Variants in RPUSD2 observed in about 807,000 individuals in gnomAD.
RPUSD2 encodes the protein RNA pseudouridine synthase domain containing 2, also known as pseudouridylate synthase RPUSD2.
Under a neutral mutation model 41.5 loss-of-function variants are expected in RPUSD2, and 31 were observed. That is an observed-to-expected ratio of 0.75 (90% CI 0.56 to 1.01). RPUSD2 has a LOEUF of 1.01. Among genes scored for constraint, RPUSD2 ranks in the 50% least tolerant of loss-of-function variants. The pLI is 0.00. For synonymous variants in RPUSD2, 305 were observed against 289.7 expected, an observed-to-expected ratio of 1.05 and a Z score of -0.54; for missense variants, 749 against 724.7, an observed-to-expected ratio of 1.03 and a Z score of -0.38.
At chr15:40,570,273 G>C (rs1029711143) in intron 1 of RPUSD2, among the ~76,000 whole-genome samples, 2 of 152,172 alleles carry the variant, frequency 1.3e-5, no homozygotes, top group African/African-American at 4.8e-5. Context: ...CTGCGTTGTA[G>C]ATCTCTGTGC....
At position 40,569,542 on chromosome 15, in the gene RPUSD2, C is replaced by G. The variant is rs554447360; in HGVS notation, c.205C>G (p.Pro69Ala). Residue 69 changes from proline (P) to alanine (A), a missense_variant, in exon 1 of 3, where the codon CCC becomes GCC. Pro to Ala is a conservative substitution (Grantham distance 27, BLOSUM62 -1). Transcript: ENST00000315616. ...AGGDAKVELSPGPPKPAGREV... is the reference protein window; with the variant it reads ...AGGDAKVELSAGPPKPAGREV... ...TGGCGACGCGAAGGTTGAGCTGTCC[C>G]CCGGGCCCCCGAAGCCGGCTGGCCG... The G allele has an allele frequency of 5.3e-5, 81 of 1,536,876 alleles. 1 individual carries two copies. In the South Asian group the frequency reaches 1.0e-3, roughly 19 times the overall value.
At chr15:40,570,469 T>C (rs1466149915) in intron 1 of RPUSD2, among the ~76,000 whole-genome samples, 1 of 152,186 alleles carries the variant, frequency 6.6e-6, no homozygotes, top group Non-Finnish European at 1.5e-5. Flanking sequence ...TACCAAAGCC[T>C]ATGTTCCTAT....
rs865943400 is a variant in RPUSD2 at position 40,569,381 on chromosome 15, G to T, written c.44G>T (p.Trp15Leu). ...RRGWLRVLGH[W>L]RYDLRRPSFT... ...GGATGGCTCAGGGTTCTTGGACATT[G>T]GCGCTACGACCTTAGGCGCCCTAGC... The change falls in exon 1 of 3, where the codon TGG becomes TTG. Residue 15 changes from tryptophan (W) to leucine (L), a missense_variant. By Grantham distance (61) the Trp-to-Leu change is moderately conservative (BLOSUM62 -2). Coordinates refer to ENST00000315616, the MANE Select transcript of RPUSD2 (RefSeq NM_152260.3). 1 of 1,516,566 alleles carries T rather than the reference G, an allele frequency of 6.6e-7. No homozygotes were observed. The allele number at this position is 1,516,566 out of a possible 1,614,324, so 93.9% of individuals were successfully genotyped here. A position where few individuals can be genotyped will look rare whatever the true frequency, so the allele number is the denominator to read the frequency against.
intron 2 of RPUSD2, among the ~76,000 whole-genome samples, chr15:40,572,698 T>C (rs1054158891): frequency 6.6e-6 from 1 of 152,162 alleles, no homozygotes; most frequent in Admixed American, 6.5e-5. Context: ...TGTCACTGCG[T>C]TCCAGCCTGA....
At chr15:40,572,697 G>T (rs1270787707) in intron 2 of RPUSD2, among the ~76,000 whole-genome samples, 6 of 152,116 alleles carry the variant, frequency 3.9e-5, no homozygotes, top group African/African-American at 1.4e-4. Context: ...ATGTCACTGC[G>T]TTCCAGCCTG....
At position 40,573,507 on chromosome 15, in the gene RPUSD2, C is replaced by T. The variant is rs749341824; in HGVS notation, c.904-20C>T. Reference sequence around the variant, plus strand: ...AATTTAGGCTTTGTACTGACTTTCTCCCTCTTCCCTCCTATGTAGCTGGAG... The same window carrying T: ...AATTTAGGCTTTGTACTGACTTTCTTCCTCTTCCCTCCTATGTAGCTGGAG... On this transcript the variant is annotated intron_variant, in intron 2 of 2. Coordinates refer to ENST00000315616, the MANE Select transcript of RPUSD2 (RefSeq NM_152260.3). 3.8e-6 allele frequency: 6 copies of T among 1,594,368 alleles called. No homozygotes were observed. Among genetic ancestry groups the T allele is most frequent in the Non-Finnish European group, 5.1e-6 (6 of 1,169,538 alleles).
At chr15:40,571,540 A>G in intron 1 of RPUSD2, 64 bp from the exon 2 acceptor site, 1 of 1,466,580 alleles carries the variant, frequency 6.8e-7, no homozygotes, top group Non-Finnish European at 9.4e-7. Flanking sequence ...GGGAAGCTGG[A>G]TATGAAGTTG....
chr15:40,569,712 T>G lies in RPUSD2; in HGVS notation c.375T>G (p.Asp125Glu), dbSNP rs1387080819. The G allele has an allele frequency of 6.3e-7, 1 of 1,587,320 alleles. No homozygotes were observed. Among genetic ancestry groups the G allele is most frequent in the Non-Finnish European group, 8.6e-7 (1 of 1,166,552 alleles). ...KKRRTGVSFG[D>E]EHFAETSYYF... ...GGCGGACCGGGGTGAGCTTCGGAGA[T>G]GAGCACTTTGCAGAAACCAGTTATT... Residue 125 changes from aspartate to glutamate, a missense_variant, in exon 1 of 3, where the codon GAT (aspartate) becomes GAG (glutamate). Physicochemically the swap from Asp to Glu is conservative, Grantham distance 45 (BLOSUM62 2). Coordinates refer to ENST00000315616, the MANE Select transcript of RPUSD2 (RefSeq NM_152260.3).
rs780558789 is a variant in RPUSD2 at position 40,571,751 on chromosome 15, AAC to A, written c.758_759del (p.Thr253SerfsTer21). The A allele has an allele frequency of 2.6e-5, 42 of 1,614,134 alleles. No homozygotes were observed. Among genetic ancestry groups the A allele is most frequent in the Non-Finnish European group, 3.1e-5 (37 of 1,180,052 alleles). ...PVHPCGRFRH[N>X]TVIFILGKEH... ...TCACCCCTGTGGCCGCTTCCGACAC[AAC>A]ACAGTTATCTTCATCCTAGGCAAGG... On this transcript the variant is annotated frameshift_variant, in exon 2 of 3. Coordinates refer to ENST00000315616, the MANE Select transcript of RPUSD2 (RefSeq NM_152260.3). LOFTEE classifies it high-confidence loss of function.
rs142644575 is a variant in RPUSD2, at chr15:40,573,541, C to T, written c.918C>T (p.Tyr306=). The T allele has an allele frequency of 1.9e-4, 302 of 1,612,328 alleles. 2 individuals carry two copies. In the African/African-American group the frequency reaches 2.7e-3, roughly 15 times the overall value. The change falls in exon 3 of 3, where the codon TAC becomes TAT. Residue 306 remains tyrosine, a synonymous_variant. Coordinates refer to ENST00000315616, the MANE Select transcript of RPUSD2 (RefSeq NM_152260.3). ...CTCCTATGTAGCTGGAGAAGGAGTA[C>T]GTGTGCCGGGTGGAAGGGGAGTTCC... ...QVRDRQLEKE[Y]VCRVEGEFPT...
chr15:40,570,017 TTTA>T, intron 1 of RPUSD2, 74 bp downstream of exon 1: 20 of 1,440,754 alleles, frequency 1.4e-5, no homozygotes, highest in Non-Finnish European at 1.5e-5. Context: ...TGTTTTGTTT[TTTA>T]GTCTTAGTAA....
Position 40,571,191 on chromosome 15 carries a change from C to T in RPUSD2, c.607-413C>T, listed in dbSNP as rs968983341. ...ATTTTTAGTAGAGACAGAGTTTGAC[C>T]ATGTTAGCCAGGATGGTCTTGATCT... On this transcript the variant is annotated intron_variant, in intron 1 of 2. Coordinates refer to ENST00000315616, the MANE Select transcript of RPUSD2 (RefSeq NM_152260.3). Among the ~76,000 whole-genome samples, 9 of 152,152 alleles carry T rather than the reference C, an allele frequency of 5.9e-5. No individual in the cohort carries two copies. In the South Asian group the frequency reaches 8.3e-4, roughly 14 times the overall value.
chr15:40,573,459 C>T (rs1891182959), intron 2 of RPUSD2, 68 bp from the exon 3 acceptor site: 15 of 1,533,152 alleles, frequency 9.8e-6, no homozygotes, highest in Non-Finnish European at 1.2e-5. Flanking sequence ...CCTTATCACT[C>T]CACAAAGAGT....
chr15:40,570,812 C>T (rs1369690999), intron 1 of RPUSD2, among the ~76,000 whole-genome samples: 3 of 152,186 alleles, frequency 2.0e-5, no homozygotes, highest in Non-Finnish European at 2.9e-5. Flanking sequence ...TCACATTCCA[C>T]AGGAAGCAGA....
intron 2 of RPUSD2, among the ~76,000 whole-genome samples, chr15:40,572,735 G>T (rs921576440): frequency 4.6e-5 from 7 of 152,104 alleles, no homozygotes; most frequent in Non-Finnish European, 1.0e-4. Flanking sequence ...CCGTCTCAAA[G>T]AAATAAATTA....
rs992736021 is a variant in RPUSD2 at position 40,569,380 on chromosome 15, T to C, written c.43T>C (p.Trp15Arg). 2.0e-6 allele frequency: 3 copies of C among 1,515,766 alleles called. No individual in the cohort carries two copies. Among genetic ancestry groups the C allele is most frequent in the Non-Finnish European group, 2.6e-6 (3 of 1,137,466 alleles). The allele number at this position is 1,515,766 out of a possible 1,614,324, so 93.9% of individuals were successfully genotyped here. A position where few individuals can be genotyped will look rare whatever the true frequency, so the allele number is the denominator to read the frequency against. Residue 15 changes from tryptophan (W) to arginine (R), a missense_variant, in exon 1 of 3, where the codon TGG (tryptophan) becomes CGG (arginine). Transcript: ENST00000315616. ...RRGWLRVLGH[W>R]RYDLRRPSFT... ...CGGATGGCTCAGGGTTCTTGGACAT[T>C]GGCGCTACGACCTTAGGCGCCCTAG...
Position 40,574,216 on chromosome 15 carries a change from T to C in RPUSD2, c.1593T>C (p.Phe531=). ...ATAAAGGGCCAGGCTTTGAGTACTT[T>C]TCACCAATGCCTGCCTGGGCACAGG... The part of the protein sequence containing the change: ...LRYKGPGFEY[F]SPMPAWAQDD... The change falls in exon 3 of 3, where the codon TTT becomes TTC. Residue 531 remains phenylalanine, a synonymous_variant. Coordinates refer to ENST00000315616, the MANE Select transcript of RPUSD2 (RefSeq NM_152260.3). 6.2e-7 allele frequency: 1 copy of C among 1,613,274 alleles called. No homozygotes were observed. The highest frequency in any genetic ancestry group is 8.5e-7 in the Non-Finnish European group (1 of 1,179,972).
intron 2 of RPUSD2, 128 bp from the exon 3 acceptor site, chr15:40,573,399 C>T (rs564954760): frequency 2.9e-5 from 29 of 991,018 alleles, no homozygotes; most frequent in Middle Eastern, 3.3e-4. Context: ...TACCCAAGAT[C>T]GCAAAACTGG....
intron 2 of RPUSD2, among the ~76,000 whole-genome samples, chr15:40,573,020 CTTT>C (rs398026953): frequency 2.6e-4 from 25 of 96,746 alleles, no homozygotes; most frequent in South Asian, 6.9e-4. Flanking sequence ...CTTTTCTTTT[CTTT>C]TTTTTTTTTT....
Sources: allele counts gnomAD v4.1 joint callset (sites outside exome capture counted in the v4.1 genomes callset), GRCh38; gene constraint gnomAD v4.1.1; transcripts MANE v1.5; gene names NCBI Gene and HGNC (gene_info 2026-07-23, HGNC 2026-07-21).